The following KATNAL2 variants were observed in gnomAD, a reference collection of about 807,000 sequenced individuals.
KATNAL2 encodes katanin catalytic subunit A1 like 2.
KATNAL2 carries 52 observed loss-of-function variants against 76.3 expected under a neutral mutation model. The observed-to-expected ratio is 0.68, with a 90% CI of 0.55 to 0.86. The LOEUF (loss-of-function observed/expected upper bound fraction) is 0.86. Ranked by LOEUF, KATNAL2 falls within the 40% of genes least tolerant of loss-of-function variation. The probability of loss-of-function intolerance (pLI) is 0.00; values close to 1 mark genes in which losing one functional copy is unlikely to be tolerated. For missense variants in KATNAL2, 660 were observed against 668.9 expected, an observed-to-expected ratio of 0.99 and a Z score of 0.15; for synonymous variants, 243 against 244.2, an observed-to-expected ratio of 1.00 and a Z score of 0.05.
chr18:47,073,122 A>C (rs1484380776), intron 13 of KATNAL2, among the ~76,000 whole-genome samples: 1 of 152,176 alleles, frequency 6.6e-6, no homozygotes, highest in Admixed American at 6.5e-5. Context: ...CAGTCCCATC[A>C]ATGGTTCATG....
At chr18:47,072,104 G>T (rs1406841052) in intron 13 of KATNAL2, among the ~76,000 whole-genome samples, 2 of 151,104 alleles carry the variant, frequency 1.3e-5, no homozygotes, top group East Asian at 3.9e-4. Context: ...GGGACTACAG[G>T]TGCCCCCCAC....
Position 47,032,329 on chromosome 18 carries a change from C to G in KATNAL2, c.52-14128C>G, listed in dbSNP as rs1476933104. On this transcript the variant is annotated intron_variant, in intron 3 of 17. Transcript: ENST00000683218. ...TGGAATGATGAAGGGTCACTGCAAC[C>G]TCTACTTGCCCAGCTCAGGCAATCC... Among the ~76,000 whole-genome samples the G allele has an allele frequency of 2.0e-5, 3 of 152,228 alleles. No individual in the cohort carries two copies. The East Asian group carries it at 5.8e-4, about 29-fold the overall frequency.
chr18:47,038,919 A>T (rs909988470), intron 3 of KATNAL2, among the ~76,000 whole-genome samples: 3 of 152,232 alleles, frequency 2.0e-5, no homozygotes, highest in African/African-American at 7.2e-5. Flanking sequence ...TCTTCTGTTC[A>T]GTAAGTCTAC....
chr18:46,935,325 C>G (rs1904658598), intron 1 of KATNAL2, among the ~76,000 whole-genome samples: 1 of 152,136 alleles, frequency 6.6e-6, no homozygotes, highest in African/African-American at 2.4e-5. Context: ...GGAGGAGAAA[C>G]CAAGGCACAG....
At position 47,058,343 on chromosome 18, in the gene KATNAL2, T is replaced by A. The variant is rs2061530301; in HGVS notation, c.441T>A (p.His147Gln). The change falls in exon 7 of 18, where the codon CAT becomes CAA. Residue 147 changes from histidine to glutamine, a missense_variant. Transcript: ENST00000683218. ...TGDTKSLNKE[H>Q]PNQEVVDNTR... ...ACACCAAATCGCTCAATAAGGAGCATCCTAATCAGGTCAGGATGGCTTGGC... is the reference window on the plus strand; with the variant it reads ...ACACCAAATCGCTCAATAAGGAGCAACCTAATCAGGTCAGGATGGCTTGGC... 1.9e-6 allele frequency: 3 copies of A among 1,607,772 alleles called. No homozygotes were observed. The South Asian group carries it at 3.3e-5, about 18-fold the overall frequency.
intron 1 of KATNAL2, among the ~76,000 whole-genome samples, chr18:46,922,409 T>G (rs372017326): frequency 1.5e-4 from 23 of 152,010 alleles, no homozygotes; most frequent in Non-Finnish European, 2.9e-4. Context: ...AACTTTTTAT[T>G]CTGAAAACCT....
At chr18:46,919,505 C>T (rs1199455959) in intron 1 of KATNAL2, among the ~76,000 whole-genome samples, 3 of 150,984 alleles carry the variant, frequency 2.0e-5, no homozygotes, top group South Asian at 2.1e-4. Flanking sequence ...AAAAATTAGC[C>T]GGGTGTGGTG....
intron 15 of KATNAL2, chr18:47,099,015 C>T: frequency 2.6e-6 from 1 of 382,940 alleles, no homozygotes; most frequent in Non-Finnish European, 4.6e-6. Flanking sequence ...CTTTCTTCTC[C>T]TTCCTTTCTG....
At chr18:47,041,494 G>T (rs1426376503) in intron 3 of KATNAL2, among the ~76,000 whole-genome samples, 2 of 152,092 alleles carry the variant, frequency 1.3e-5, no homozygotes, top group African/African-American at 4.8e-5. Flanking sequence ...TTAGTGATAT[G>T]CATCTAAATT....
intron 1 of KATNAL2, among the ~76,000 whole-genome samples, chr18:46,931,811 A>T (rs183025309): frequency 1.3e-5 from 2 of 152,322 alleles, no homozygotes; most frequent in East Asian, 3.9e-4. Flanking sequence ...AATGGAAAAA[A>T]CAATAAAATA....
At chr18:47,031,423 C>A (rs1348172177) in intron 3 of KATNAL2, among the ~76,000 whole-genome samples, 1 of 150,638 alleles carries the variant, frequency 6.6e-6, no homozygotes, top group Non-Finnish European at 1.5e-5. Context: ...CTCTGTCTTT[C>A]TTTTTGTGTG....
At chr18:47,094,769 C>T (rs766921616) in intron 15 of KATNAL2, among the ~76,000 whole-genome samples, 4 of 152,164 alleles carry the variant, frequency 2.6e-5, no homozygotes, top group Non-Finnish European at 5.9e-5. Flanking sequence ...TAGGGATAGT[C>T]GGTATCTCAT....
chr18:47,058,873 T>G (rs1290930713), intron 7 of KATNAL2, among the ~76,000 whole-genome samples: 1 of 152,020 alleles, frequency 6.6e-6, no homozygotes, highest in Non-Finnish European at 1.5e-5. Flanking sequence ...CTGGACTTCC[T>G]GGGGGCCAAG....
At chr18:46,957,249 C>CTTTTTTTT (rs1223846865) in intron 3 of KATNAL2, among the ~76,000 whole-genome samples, 12 of 73,918 alleles carry the variant, frequency 1.6e-4, no homozygotes, top group Non-Finnish European at 2.2e-4. Context: ...TTGCCCTCTT[C>CTTTTTTTT]TTTTTTTTTT....
intron 3 of KATNAL2, among the ~76,000 whole-genome samples, chr18:47,038,417 C>T (rs1232835130): frequency 6.6e-6 from 1 of 152,162 alleles, no homozygotes; most frequent in Non-Finnish European, 1.5e-5. Context: ...ACTCACTATC[C>T]TACCTGTGGG....
At chr18:46,953,403 G>C (rs1599437823) in intron 3 of KATNAL2, among the ~76,000 whole-genome samples, 1 of 152,304 alleles carries the variant, frequency 6.6e-6, no homozygotes, top group East Asian at 1.9e-4. Context: ...ACTTTGGGAG[G>C]CCAAGGCAGG....
At chr18:47,066,391 G>T (rs1260945643) in intron 10 of KATNAL2, among the ~76,000 whole-genome samples, 8 of 152,096 alleles carry the variant, frequency 5.3e-5, no homozygotes, top group Admixed American at 5.2e-4. Flanking sequence ...GTTGCTACAG[G>T]GCTCTTCTAT....
chr18:46,950,670 A>C (rs1599423310), intron 3 of KATNAL2, among the ~76,000 whole-genome samples: 1 of 152,136 alleles, frequency 6.6e-6, no homozygotes, highest in Non-Finnish European at 1.5e-5. Context: ...AGCTTCTTCA[A>C]AATAACATGT....
Position 47,063,272 on chromosome 18 carries a change from T to A in KATNAL2, c.649-12T>A. On this transcript the variant is annotated splice_polypyrimidine_tract_variant and intron_variant, in intron 9 of 17. Transcript: ENST00000683218. ...AATATTGTAATGTGAGCCTTTCCGC[T>A]CCTCTCATCAGGAACGACTGCTGAA... The A allele has an allele frequency of 1.2e-6, 2 of 1,612,526 alleles. No individual in the cohort carries two copies. The highest frequency in any genetic ancestry group is 1.7e-6 in the Non-Finnish European group (2 of 1,179,178).
Sources: gnomAD v4.1 joint callset for allele counts (sites outside exome capture counted in the v4.1 genomes callset) on GRCh38, gnomAD v4.1.1 for gene constraint, MANE v1.5 for transcripts, NCBI Gene and HGNC (gene_info 2026-07-23, HGNC 2026-07-21) for gene names.